The following AFG1L variants were observed in gnomAD, a reference collection of about 807,000 sequenced individuals.
AFG1L encodes AFG1-like ATPase.
AFG1L carries 53 observed loss-of-function variants against 62.2 expected under a neutral mutation model. The ratio of observed to expected loss-of-function variants is 0.85; its 90% CI spans 0.68 to 1.07. The LOEUF (loss-of-function observed/expected upper bound fraction) is 1.07, where lower values mean the gene tolerates loss of function less well. AFG1L is among the 50% of genes least tolerant of loss of function. The pLI is 0.00. For missense variants in AFG1L, 555 were observed against 590.5 expected, an observed-to-expected ratio of 0.94 and a Z score of 0.62; for synonymous variants, 228 against 210.3, an observed-to-expected ratio of 1.08 and a Z score of -0.73.
At chr6:108,330,376 A>G (rs1022861106) in intron 2 of AFG1L, among the ~76,000 whole-genome samples, 1 of 151,942 alleles carries the variant, frequency 6.6e-6, no homozygotes. Context: ...AGGTTTCACC[A>G]TGTTGGCCAG....
At chr6:108,514,118 A>T (rs1774776939) in intron 11 of AFG1L, among the ~76,000 whole-genome samples, 1 of 152,240 alleles carries the variant, frequency 6.6e-6, no homozygotes, top group South Asian at 2.1e-4. Context: ...TCTGTACGTC[A>T]CCATCATCAA....
intron 1 of AFG1L, among the ~76,000 whole-genome samples, chr6:108,310,668 G>A (rs865934958): frequency 1.0e-4 from 15 of 148,574 alleles, no homozygotes; most frequent in Middle Eastern, 7.1e-3. Context: ...TCCACCTCCC[G>A]GGCTCAAGTG....
chr6:108,414,046 G>A (rs1782239882), intron 7 of AFG1L, among the ~76,000 whole-genome samples: 1 of 152,088 alleles, frequency 6.6e-6, no homozygotes, highest in Non-Finnish European at 1.5e-5. Context: ...AGGAAGAAAA[G>A]AGAGAAGAAT....
At chr6:108,469,233 G>A (rs1231475553) in intron 8 of AFG1L, among the ~76,000 whole-genome samples, 2 of 152,068 alleles carry the variant, frequency 1.3e-5, no homozygotes, top group Non-Finnish European at 2.9e-5. Context: ...TGGCTATTCA[G>A]TTTCCTCCAA....
At chr6:108,350,505 G>A (rs562393328) in intron 3 of AFG1L, among the ~76,000 whole-genome samples, 3 of 152,232 alleles carry the variant, frequency 2.0e-5, no homozygotes, top group East Asian at 3.9e-4. Context: ...TAAATCCTGG[G>A]AACTGCAGTA....
At chr6:108,395,500 C>G (rs1016335283) in intron 6 of AFG1L, among the ~76,000 whole-genome samples, 5 of 144,124 alleles carry the variant, frequency 3.5e-5, no homozygotes, top group Middle Eastern at 3.9e-3. Context: ...CTCTCAGGTT[C>G]AGGTGAGCCT....
Position 108,341,012 on chromosome 6 carries a change from A to T in AFG1L, c.364-5976A>T, listed in dbSNP as rs564099721. Among the ~76,000 whole-genome samples the T allele has an allele frequency of 4.6e-5, 7 of 152,328 alleles. No homozygotes were observed. In the South Asian group the frequency reaches 1.4e-3, roughly 32 times the overall value. The stretch of plus-strand genomic sequence containing the variant: ...TTTGCAGAGACACAGTGAACTCACC[A>T]GGAAAACAGAATTGTTGACAATATG... On this transcript the variant is annotated intron_variant, in intron 2 of 12. Transcript: ENST00000368977.
intron 11 of AFG1L, among the ~76,000 whole-genome samples, chr6:108,514,914 A>T (rs1469750042): frequency 6.6e-6 from 1 of 152,256 alleles, no homozygotes; most frequent in East Asian, 1.9e-4. Context: ...CCATTACATA[A>T]TGGTAAAGGG....
chr6:108,414,723 T>C (rs1245516181), intron 7 of AFG1L, among the ~76,000 whole-genome samples: 1 of 152,052 alleles, frequency 6.6e-6, no homozygotes. Context: ...ATTCAATAGC[T>C]CTTCTTGCTA....
intron 6 of AFG1L, among the ~76,000 whole-genome samples, chr6:108,393,452 AGTTTT>A (rs1781148386): frequency 1.3e-5 from 2 of 151,998 alleles, no homozygotes; most frequent in African/African-American, 4.8e-5. Flanking sequence ...CAGAGCATAT[AGTTTT>A]GGATGATATA....
chr6:108,301,874 T>C (rs916547564), intron 1 of AFG1L, among the ~76,000 whole-genome samples: 1 of 152,086 alleles, frequency 6.6e-6, no homozygotes, highest in African/African-American at 2.4e-5. Flanking sequence ...CAGAGATCAC[T>C]GATTGATTTA....
intron 10 of AFG1L, among the ~76,000 whole-genome samples, chr6:108,486,025 C>A (rs1394186515): frequency 1.3e-5 from 2 of 151,988 alleles, no homozygotes; most frequent in Non-Finnish European, 2.9e-5. Context: ...TAAATTATCT[C>A]ATTTGACTTT....
chr6:108,444,147 GGC>G (rs1250121332), intron 7 of AFG1L, among the ~76,000 whole-genome samples: 2 of 151,824 alleles, frequency 1.3e-5, no homozygotes, highest in African/African-American at 4.8e-5. Flanking sequence ...TTTGGTTCTA[GGC>G]TACTGCAATA....
At chr6:108,375,986 G>A (rs1780227344) in intron 6 of AFG1L, among the ~76,000 whole-genome samples, 1 of 151,936 alleles carries the variant, frequency 6.6e-6, no homozygotes, top group Admixed American at 6.6e-5. Context: ...ATTCAATTTT[G>A]GAACTTGATA....
At chr6:108,498,350 A>C (rs1159218754) in intron 10 of AFG1L, among the ~76,000 whole-genome samples, 2 of 152,200 alleles carry the variant, frequency 1.3e-5, no homozygotes, top group African/African-American at 4.8e-5. Flanking sequence ...CTCACCCCAC[A>C]TAGGCCTTCT....
intron 7 of AFG1L, among the ~76,000 whole-genome samples, chr6:108,415,925 C>T (rs971801617): frequency 2.6e-5 from 4 of 152,182 alleles, no homozygotes; most frequent in African/African-American, 9.7e-5. Flanking sequence ...CAAATGGGAT[C>T]TAATTAAACT....
At chr6:108,341,619 G>C (rs539197514) in intron 2 of AFG1L, among the ~76,000 whole-genome samples, 1 of 152,008 alleles carries the variant, frequency 6.6e-6, no homozygotes, top group Non-Finnish European at 1.5e-5. Flanking sequence ...TTTGTACCTA[G>C]ATCTTTTGGG....
chr6:108,433,824 C>T (rs1472600869), intron 7 of AFG1L, among the ~76,000 whole-genome samples: 10 of 152,176 alleles, frequency 6.6e-5, no homozygotes, highest in Non-Finnish European at 4.4e-5. Flanking sequence ...AACTCCTGAT[C>T]TCAGGTGATC....
chr6:108,346,927 G>A (rs1159812174), intron 2 of AFG1L, 61 bp from the exon 3 acceptor site: 2 of 1,233,792 alleles, frequency 1.6e-6, no homozygotes, highest in African/African-American at 1.5e-5. Context: ...GGAAGACTAT[G>A]TATATGATTA....
Sources: allele counts gnomAD v4.1 joint callset (sites outside exome capture counted in the v4.1 genomes callset), GRCh38; gene constraint gnomAD v4.1.1; transcripts MANE v1.5; gene names NCBI Gene and HGNC (gene_info 2026-07-23, HGNC 2026-07-21).